The following PGAP4 variants were observed in gnomAD, a reference collection of about 807,000 sequenced individuals.
PGAP4 encodes the protein post-GPI attachment to proteins GalNAc transferase 4.
In PGAP4, 12 loss-of-function variants were observed where a neutral mutation model predicts 28.2. The ratio of observed to expected loss-of-function variants is 0.42; its 90% CI spans 0.27 to 0.69. PGAP4 has a LOEUF of 0.69. Ranked by LOEUF, PGAP4 falls within the 30% of genes least tolerant of loss-of-function variation. PGAP4 has a pLI of 0.22. For synonymous variants in PGAP4, 205 were observed against 211.8 expected (o/e 0.97, Z 0.28); for missense variants, 425 against 513.5 (o/e 0.83, Z 1.67).
intron 1 of PGAP4, among the ~76,000 whole-genome samples, chr9:101,483,553 A>G (rs139484726): frequency 2.0e-3 from 302 of 152,326 alleles, no homozygotes; most frequent in African/African-American, 7.1e-3. Flanking sequence ...CTGAAAAACC[A>G]TTAGAAATGG....
At chr9:101,488,695 C>T (rs1465143277), upstream of PGAP4, among the ~76,000 whole-genome samples, 2 of 152,174 alleles carry the variant, frequency 1.3e-5, no homozygotes, top group East Asian at 3.8e-4. Flanking sequence ...TCACTAGTCA[C>T]ATGTAACTAC....
At chr9:101,483,051 T>C (rs895951385) in intron 1 of PGAP4, among the ~76,000 whole-genome samples, 3 of 152,350 alleles carry the variant, frequency 2.0e-5, no homozygotes, top group Admixed American at 2.0e-4. Context: ...TGTTTTTCTA[T>C]GATGCCTGTT....
chr9:101,530,909 G>GT (rs909232898), intron 2 of PGAP4, among the ~76,000 whole-genome samples: 5 of 152,118 alleles, frequency 3.3e-5, no homozygotes, highest in South Asian at 4.2e-4. Context: ...TTGTTTGTTT[G>GT]TTTTTTTGGA....
chr9:101,527,536 C>T (rs1345105062), intron 2 of PGAP4, among the ~76,000 whole-genome samples: 1 of 151,974 alleles, frequency 6.6e-6, no homozygotes, highest in Non-Finnish European at 1.5e-5. Context: ...TAATTATGGC[C>T]ACACAAGACA....
rs1826374674 is a variant in PGAP4, at chr9:101,477,925, G to GC, written c.-77-757_-77-756insG. On this transcript the variant is annotated intron_variant, in intron 1 of 1. Coordinates refer to ENST00000374848, the MANE Select transcript of PGAP4 (RefSeq NM_032342.3). ...GTAGCTTTTCAATGAGGGAGCGGGG[G>GC]GGGAAAGGCAGAGGTGAATATGGAA... is the stretch of plus-strand genomic sequence containing the variant. Among the ~76,000 whole-genome samples, 3 of 152,078 alleles carry GC rather than the reference G, an allele frequency of 2.0e-5. No individual in the cohort carries two copies. In the South Asian group the frequency reaches 6.2e-4, roughly 32 times the overall value.
upstream of PGAP4, chr9:101,489,145 C>T (rs925007797): frequency 4.6e-5 from 7 of 152,034 alleles, no homozygotes; most frequent in African/African-American, 1.7e-4. Context: ...AAGCCAAAAT[C>T]CAAACTGATG....
At chr9:101,502,990 G>A (rs908184422) in intron 2 of PGAP4, among the ~76,000 whole-genome samples, 1 of 152,064 alleles carries the variant, frequency 6.6e-6, no homozygotes, top group Non-Finnish European at 1.5e-5. Flanking sequence ...TGTGGCACAA[G>A]ATTGCCAGAT....
rs562067569 is a variant in PGAP4, at chr9:101,480,155, G to A, written c.-77-2986C>T. Among the ~76,000 whole-genome samples the A allele has an allele frequency of 5.9e-5, 9 of 152,164 alleles. No homozygotes were observed. The South Asian group carries it at 1.9e-3, about 32-fold the overall frequency. ...AAATTTTTTTTAGAATGCTTACAGGGCTTAAGACCCGGCCCCCAACCCCAA... is the reference window on the plus strand; with the variant it reads ...AAATTTTTTTTAGAATGCTTACAGGACTTAAGACCCGGCCCCCAACCCCAA... On this transcript the variant is annotated intron_variant, in intron 1 of 1. Coordinates refer to ENST00000374848, the MANE Select transcript of PGAP4 (RefSeq NM_032342.3).
At chr9:101,504,768 G>T (rs1014483379) in intron 2 of PGAP4, among the ~76,000 whole-genome samples, 1 of 152,020 alleles carries the variant, frequency 6.6e-6, no homozygotes, top group Non-Finnish European at 1.5e-5. Flanking sequence ...CAGAAATTTG[G>T]GTTTCCTTCC....
chr9:101,491,524 A>G (rs1421770517), upstream of PGAP4, among the ~76,000 whole-genome samples: 1 of 152,064 alleles, frequency 6.6e-6, no homozygotes, highest in African/African-American at 2.4e-5. Context: ...TTAAACAAGC[A>G]CTACTTGACT....
chr9:101,510,807 T>A (rs1159456919), intron 2 of PGAP4, among the ~76,000 whole-genome samples: 3 of 152,138 alleles, frequency 2.0e-5, no homozygotes, highest in Non-Finnish European at 4.4e-5. Context: ...ACACGTGGAC[T>A]AAAATAAGTC....
intron 1 of PGAP4, among the ~76,000 whole-genome samples, chr9:101,483,105 T>G (rs1826531210): frequency 1.3e-5 from 2 of 152,222 alleles, no homozygotes; most frequent in Admixed American, 1.3e-4. Context: ...ACGATCTGAT[T>G]GGACTCTTGA....
chr9:101,513,443 T>G (rs772421230), intron 2 of PGAP4, among the ~76,000 whole-genome samples: 29 of 152,280 alleles, frequency 1.9e-4, no homozygotes, highest in Admixed American at 5.2e-4. Flanking sequence ...ATTCTGAATC[T>G]AGGAACAGTC....
At chr9:101,524,445 G>A (rs935732698) in intron 2 of PGAP4, among the ~76,000 whole-genome samples, 6 of 152,184 alleles carry the variant, frequency 3.9e-5, no homozygotes, top group African/African-American at 1.4e-4. Flanking sequence ...TTCTCAGCCT[G>A]TGAGTCTGCA....
rs75077168 is a variant in PGAP4 at position 101,508,935 on chromosome 9, G to C, written c.-164-19735C>G. ...AGAAAACCCTGTTTCACAAAGGTAG[G>C]ATGTTAGAAATGGAAACAGGCTTTT... On this transcript the variant is annotated intron_variant, in intron 2 of 3. Transcript: ENST00000374851. Among the ~76,000 whole-genome samples, 873 of 152,242 alleles carry C rather than the reference G, an allele frequency of 5.7e-3. 3 individuals carry two copies. Among genetic ancestry groups the C allele is most frequent in the Non-Finnish European group, 0.01 (692 of 68,000 alleles).
intron 2 of PGAP4, among the ~76,000 whole-genome samples, chr9:101,494,838 G>C (rs1826723655): frequency 6.6e-6 from 1 of 151,232 alleles, no homozygotes; most frequent in East Asian, 1.9e-4. Flanking sequence ...AGCATTTTAA[G>C]ATAACCAGAA....
Position 101,477,127 on chromosome 9 carries a change from A to T in PGAP4, c.-35T>A. The T allele has an allele frequency of 6.6e-7, 1 of 1,521,464 alleles. No homozygotes were observed. Among genetic ancestry groups the T allele is most frequent in the East Asian group, 2.3e-5 (1 of 44,112 alleles). 94.2% of individuals were successfully genotyped at this position (1,521,464 alleles called of 1,614,324 possible). Reference sequence around the variant, plus strand: ...TTTTGTTCATGTCTGGTCCCAAGAAAAAACCATCCTGGAACTCAGGCCAGA... The same window carrying T: ...TTTTGTTCATGTCTGGTCCCAAGAATAAACCATCCTGGAACTCAGGCCAGA... On this transcript the variant is annotated 5_prime_UTR_variant, in exon 2 of 2. Transcript: ENST00000374848.
At chr9:101,501,830 A>C (rs935226454) in intron 2 of PGAP4, 1 of 499,636 alleles carries the variant, frequency 2.0e-6, no homozygotes, top group African/African-American at 2.0e-5. Flanking sequence ...AGCTCCAGTA[A>C]ATACAAAAAA....
chr9:101,476,757 C>T lies in PGAP4; in HGVS notation c.336G>A (p.Gln112=). 6.2e-7 allele frequency: 1 copy of T among 1,613,586 alleles called. No homozygotes were observed. The highest frequency in any genetic ancestry group is 8.5e-7 in the Non-Finnish European group (1 of 1,179,640). Residue 112 remains glutamine, a synonymous_variant, in exon 2 of 2, where the codon CAG becomes CAA. Transcript: ENST00000374848. The surrounding 1 kb of genome is among the most constrained non-coding windows in gnomAD (Gnocchi z 7.0). ...CCTGCAGGACGTAGTGGAAGCCAGGCTGCCTGTCCACAGTGATGATGGTGA... is the reference window on the plus strand; with the variant it reads ...CCTGCAGGACGTAGTGGAAGCCAGGTTGCCTGTCCACAGTGATGATGGTGA... The part of the protein sequence containing the change: ...LVITIITVDR[Q]PGFHYVLQVV...
Sources: allele counts gnomAD v4.1 joint callset (sites outside exome capture counted in the v4.1 genomes callset), GRCh38; gene constraint gnomAD v4.1.1; non-coding constraint Gnocchi (gnomAD v3.1); transcripts MANE v1.5; gene names NCBI Gene and HGNC (gene_info 2026-07-23, HGNC 2026-07-21).